Variants in FUT8 observed in about 807,000 individuals in gnomAD.
FUT8 encodes alpha-(1,6)-fucosyltransferase.
A neutral mutation model predicts 71.3 loss-of-function variants in FUT8; 29 were observed. The ratio of observed to expected loss-of-function variants is 0.41; its 90% CI spans 0.30 to 0.55. The LOEUF (loss-of-function observed/expected upper bound fraction) is 0.55. FUT8 is among the 20% of genes least tolerant of loss of function. FUT8 has a pLI of 0.34. For missense variants in FUT8, 544 were observed against 702.1 expected, an observed-to-expected ratio of 0.77 and a Z score of 2.55; for synonymous variants, 254 against 239.3, an observed-to-expected ratio of 1.06 and a Z score of -0.57.
At chr14:65,463,518 C>T (rs114159713) in intron 2 of FUT8, among the ~76,000 whole-genome samples, 2,662 of 152,296 alleles carry the variant, frequency 0.017, 79 homozygotes, top group African/African-American at 0.061. Context: ...TTCCCCACCT[C>T]AGCCTCCCAA....
Position 65,455,727 on chromosome 14 carries a change from A to G in FUT8, c.-228+9A>G. ...TAACTGGACAAATTCAGGTTAGTGT[A>G]TTTTGTGGACAGCACTTCCCTGTTC... On this transcript the variant is annotated intron_variant, in intron 2 of 10. Coordinates refer to ENST00000673929, the MANE Select transcript of FUT8 (RefSeq NM_001371533.1). 2.5e-6 allele frequency: 1 copy of G among 398,162 alleles called. No homozygotes were observed. Among genetic ancestry groups the G allele is most frequent in the Non-Finnish European group, 4.4e-6 (1 of 225,846 alleles). 24.7% of individuals were successfully genotyped at this position (398,162 alleles called of 1,614,324 possible). A position where few individuals can be genotyped will look rare whatever the true frequency, so the allele number is the denominator to read the frequency against.
rs760134724 is a variant in FUT8 at position 65,576,938 on chromosome 14, C to T, written c.203+15172C>T. Among the ~76,000 whole-genome samples, 15 of 151,648 alleles carry T rather than the reference C, an allele frequency of 9.9e-5. No individual in the cohort carries two copies. The South Asian group carries it at 1.0e-3, about 11-fold the overall frequency. On this transcript the variant is annotated intron_variant, in intron 3 of 10. Coordinates refer to ENST00000673929, the MANE Select transcript of FUT8 (RefSeq NM_001371533.1). ...TTTTTACCGTGTTATCTCCTGACCT[C>T]GTGATCTGCCCACCTAGGCCTCCCA...
intron 3 of FUT8, among the ~76,000 whole-genome samples, chr14:65,588,809 A>T (rs2140133907): frequency 6.6e-6 from 1 of 152,272 alleles, no homozygotes; most frequent in East Asian, 1.9e-4. Flanking sequence ...TATTCTTGTT[A>T]ATCTCTTAGC....
chr14:65,586,485 ACAT>A (rs1410147814), intron 3 of FUT8, among the ~76,000 whole-genome samples: 1 of 152,210 alleles, frequency 6.6e-6, no homozygotes, highest in Non-Finnish European at 1.5e-5. Flanking sequence ...ATTGGCAGTA[ACAT>A]CATTTAATAT....
At chr14:65,729,534 T>TC (rs898595208) in intron 9 of FUT8, among the ~76,000 whole-genome samples, 4 of 65,534 alleles carry the variant, frequency 6.1e-5, no homozygotes, top group African/African-American at 1.2e-4. Flanking sequence ...AACTTTTTTT[T>TC]TTTTTTTTTT....
At chr14:65,390,888 G>A in the FUT8 span, among the ~76,000 whole-genome samples, 1 of 151,790 alleles carries the variant, frequency 6.6e-6, no homozygotes, top group African/African-American at 2.4e-5. Context: ...ATTAGCACCT[G>A]GCTAATTTTT....
intron 7 of FUT8, among the ~76,000 whole-genome samples, chr14:65,700,688 C>T (rs1894249061): frequency 6.6e-6 from 1 of 152,154 alleles, no homozygotes; most frequent in Non-Finnish European, 1.5e-5. Flanking sequence ...CTTGAGCCAC[C>T]ACACCCAGCC....
intron 6 of FUT8, among the ~76,000 whole-genome samples, chr14:65,659,394 C>T (rs1319543169): frequency 6.6e-6 from 1 of 152,028 alleles, no homozygotes; most frequent in Non-Finnish European, 1.5e-5. Context: ...TAGACAAGTG[C>T]TGTAAGTACC....
the FUT8 span, among the ~76,000 whole-genome samples, chr14:65,359,991 C>T: frequency 3.9e-5 from 6 of 152,166 alleles, no homozygotes; most frequent in Admixed American, 3.9e-4. Context: ...CACCACCACA[C>T]CGAGCTAATT....
chr14:65,676,554 C>T (rs1300146478), intron 7 of FUT8, among the ~76,000 whole-genome samples: 2 of 152,124 alleles, frequency 1.3e-5, no homozygotes, highest in Non-Finnish European at 2.9e-5. Context: ...AGTAAATAAT[C>T]TTTTTTCTAA....
chr14:65,401,232 A>G, the FUT8 span, among the ~76,000 whole-genome samples: 1 of 152,236 alleles, frequency 6.6e-6, no homozygotes, highest in Non-Finnish European at 1.5e-5. Context: ...GGTAAGATCT[A>G]TGAGTGAATA....
At chr14:65,586,479 G>T (rs914698906) in intron 3 of FUT8, among the ~76,000 whole-genome samples, 1 of 152,120 alleles carries the variant, frequency 6.6e-6, no homozygotes, top group Non-Finnish European at 1.5e-5. Context: ...GATAAAATTG[G>T]CAGTAACATC....
rs1001286768 is a variant in FUT8 at position 65,505,306 on chromosome 14, GTTTTTTTTTTT to G, written c.-228+49602_-228+49612del. On this transcript the variant is annotated intron_variant, in intron 2 of 10. Coordinates refer to ENST00000673929, the MANE Select transcript of FUT8 (RefSeq NM_001371533.1). ...AAACTATGTCAAGTACTACATTTCA[GTTTTTTTTTTT>G]TTTTTTTTTTTTTGAGACAGAGTCT... is the stretch of plus-strand genomic sequence containing the variant. Among the ~76,000 whole-genome samples the G allele has an allele frequency of 1.4e-3, 137 of 95,774 alleles. No homozygotes were observed. The Middle Eastern group carries it at 0.067, about 47-fold the overall frequency. The allele number at this position is 95,774 out of a possible 152,430, so 62.8% of individuals were successfully genotyped here.
chr14:65,514,705 A>T (rs183243886), intron 2 of FUT8, among the ~76,000 whole-genome samples: 8,782 of 148,574 alleles, frequency 0.059, 425 homozygotes, highest in South Asian at 0.19. Flanking sequence ...TTTTTTTTTT[A>T]AATTTATTTT....
At chr14:65,634,741 G>A (rs1890451870) in intron 6 of FUT8, among the ~76,000 whole-genome samples, 1 of 152,102 alleles carries the variant, frequency 6.6e-6, no homozygotes, top group East Asian at 1.9e-4. Context: ...TGGCTTTATA[G>A]TATAATTTGA....
At chr14:65,699,145 T>TACAC (rs60092488) in intron 7 of FUT8, among the ~76,000 whole-genome samples, 3,891 of 132,002 alleles carry the variant, frequency 0.029, 77 homozygotes, top group African/African-American at 0.042. Flanking sequence ...CCCTCCCTTC[T>TACAC]ACACACACAC....
intron 7 of FUT8, among the ~76,000 whole-genome samples, chr14:65,685,316 A>G (rs117642669): frequency 0.024 from 3,708 of 152,346 alleles, 58 homozygotes; most frequent in Non-Finnish European, 0.035. Flanking sequence ...CAGTGGCCGT[A>G]TAAAACAGTG....
chr14:65,531,579 C>T (rs1566806501), intron 2 of FUT8, among the ~76,000 whole-genome samples: 1 of 152,120 alleles, frequency 6.6e-6, no homozygotes, highest in Non-Finnish European at 1.5e-5. Flanking sequence ...TTAATTCTGA[C>T]AAATGGCCAC....
At chr14:65,390,525 G>A in the FUT8 span, among the ~76,000 whole-genome samples, 1 of 151,436 alleles carries the variant, frequency 6.6e-6, no homozygotes, top group Non-Finnish European at 1.5e-5. Flanking sequence ...GCAGCTACTA[G>A]ATATACATAA....
Sources: gnomAD v4.1 joint callset for allele counts (sites outside exome capture counted in the v4.1 genomes callset) on GRCh38, gnomAD v4.1.1 for gene constraint, MANE v1.5 for transcripts, NCBI Gene and HGNC (gene_info 2026-07-23, HGNC 2026-07-21) for gene names.